Variants in L3MBTL4 observed in about 807,000 individuals in gnomAD.
The protein encoded by L3MBTL4 is lethal(3)malignant brain tumor-like protein 4.
A neutral mutation model predicts 84.5 loss-of-function variants in L3MBTL4; 70 were observed. That is an observed-to-expected ratio of 0.83 (90% confidence interval 0.68 to 1.01). The LOEUF is 1.01. Ranked by LOEUF, L3MBTL4 falls within the 50% of genes least tolerant of loss-of-function variation. L3MBTL4 has a pLI of 0.00. For synonymous variants in L3MBTL4, 274 were observed against 259.8 expected, an observed-to-expected ratio of 1.05 and a Z score of -0.52; for missense variants, 715 against 754.8, an observed-to-expected ratio of 0.95 and a Z score of 0.62.
At chr18:6,099,914 T>C (rs2058765001) in intron 14 of L3MBTL4, among the ~76,000 whole-genome samples, 1 of 152,128 alleles carries the variant, frequency 6.6e-6, no homozygotes, top group South Asian at 2.1e-4. Flanking sequence ...ATGCATTTGA[T>C]TCTAAAAATA....
chr18:6,380,103 G>A (rs138510155), intron 1 of L3MBTL4, among the ~76,000 whole-genome samples: 5,098 of 152,168 alleles, frequency 0.034, 304 homozygotes, highest in African/African-American at 0.11. Context: ...GTTTATTTGC[G>A]TAGAGGTGTT....
At chr18:6,397,242 G>A (rs921965540) in intron 1 of L3MBTL4, 9 of 152,166 alleles carry the variant, frequency 5.9e-5, no homozygotes, top group Admixed American at 3.9e-4. Context: ...GTACTTCTCT[G>A]CAGAGTTCAC....
chr18:6,144,551 T>C (rs186869969), intron 13 of L3MBTL4, among the ~76,000 whole-genome samples: 1 of 152,362 alleles, frequency 6.6e-6, no homozygotes, highest in East Asian at 1.9e-4. Flanking sequence ...TAAGATGTCC[T>C]CATGGGATTC....
chr18:6,302,006 G>C, intron 3 of L3MBTL4, 49 bp from the exon 4 acceptor site: 1 of 1,400,486 alleles, frequency 7.1e-7, no homozygotes, highest in Non-Finnish European at 1.0e-6. Flanking sequence ...ATAATTGTTG[G>C]AAACACTGAA....
chr18:6,187,894 C>T (rs2044856671), intron 12 of L3MBTL4, among the ~76,000 whole-genome samples: 1 of 150,198 alleles, frequency 6.7e-6, no homozygotes, highest in South Asian at 2.1e-4. Flanking sequence ...GTGGTGTCTG[C>T]TCTCTACAAT....
chr18:6,003,990 A>G (rs1013629060), intron 16 of L3MBTL4, among the ~76,000 whole-genome samples: 2 of 152,034 alleles, frequency 1.3e-5, no homozygotes, highest in African/African-American at 2.4e-5. Context: ...AACAAATTAA[A>G]CCCAAAGCTT....
chr18:6,198,478 C>T (rs1207309712), intron 12 of L3MBTL4, among the ~76,000 whole-genome samples: 1 of 152,112 alleles, frequency 6.6e-6, no homozygotes, highest in Non-Finnish European at 1.5e-5. Flanking sequence ...CACCATAGTC[C>T]GATGCTGGCT....
intron 4 of L3MBTL4, among the ~76,000 whole-genome samples, chr18:6,266,100 A>T (rs2048620404): frequency 6.6e-6 from 1 of 152,152 alleles, no homozygotes; most frequent in African/African-American, 2.4e-5. Context: ...ATTTAAAAAT[A>T]AAAAAACATA....
intron 14 of L3MBTL4, among the ~76,000 whole-genome samples, chr18:6,115,124 CTTGAGTGCAGCTACAGTG>C (rs2059317450): frequency 6.6e-6 from 1 of 152,160 alleles, no homozygotes; most frequent in African/African-American, 2.4e-5. Context: ...CATTCCAGAG[CTTGAGTGCAGCTACAGTG>C]TTGATGGGCC....
intron 16 of L3MBTL4, among the ~76,000 whole-genome samples, chr18:6,002,462 G>T (rs984320287): frequency 6.6e-6 from 1 of 152,036 alleles, no homozygotes; most frequent in Non-Finnish European, 1.5e-5. Flanking sequence ...TCATTTAAAA[G>T]ACTAATGCAT....
intron 10 of L3MBTL4, among the ~76,000 whole-genome samples, chr18:6,231,451 A>T (rs1307824887): frequency 2.6e-5 from 4 of 152,048 alleles, no homozygotes; most frequent in Non-Finnish European, 5.9e-5. Flanking sequence ...CTGTTTTTGT[A>T]CCAGTACCAT....
chr18:6,361,671 C>T (rs2053700416), intron 1 of L3MBTL4, among the ~76,000 whole-genome samples: 1 of 152,170 alleles, frequency 6.6e-6, no homozygotes, highest in South Asian at 2.1e-4. Context: ...AAGAGACAGT[C>T]CTGGACAGTG....
intron 13 of L3MBTL4, among the ~76,000 whole-genome samples, chr18:6,146,272 C>G (rs9958129): frequency 0.011 from 1,740 of 152,270 alleles, 28 homozygotes; most frequent in African/African-American, 0.036. Flanking sequence ...CTTCAGAGCC[C>G]ACACAGGCAG....
chr18:5,958,062 G>GAGAAGGAGAAGAAGA (rs2095238995), intron 18 of L3MBTL4, among the ~76,000 whole-genome samples: 1 of 93,200 alleles, frequency 1.1e-5, no homozygotes, highest in Non-Finnish European at 2.1e-5. Flanking sequence ...GAAGGAGAAG[G>GAGAAGGAGAAGAAGA]AGAAGAAGAA....
intron 5 of L3MBTL4, among the ~76,000 whole-genome samples, chr18:6,252,216 G>A (rs562296056): frequency 6.6e-6 from 1 of 152,256 alleles, no homozygotes; most frequent in East Asian, 1.9e-4. Flanking sequence ...GGGAGGCTGA[G>A]GCAGGAGAAT....
At chr18:6,241,506 A>T in intron 7 of L3MBTL4, 57 bp from the exon 8 acceptor site, 2 of 956,934 alleles carry the variant, frequency 2.1e-6, no homozygotes, top group Non-Finnish European at 3.3e-6. Context: ...ATGCATATTA[A>T]ATATATTAGG....
chr18:6,250,236 ATAC>A (rs2047864090), intron 5 of L3MBTL4, among the ~76,000 whole-genome samples: 1 of 152,234 alleles, frequency 6.6e-6, no homozygotes, highest in African/African-American at 2.4e-5. Flanking sequence ...TACAAATTAT[ATAC>A]TATTATTTAA....
At chr18:6,031,747 C>T (rs1027736135) in intron 16 of L3MBTL4, 279 of 985,014 alleles carry the variant, frequency 2.8e-4, no homozygotes, top group Admixed American at 3.1e-4. Context: ...ATGGAAAGTG[C>T]TGTCTCACAC....
chr18:6,218,531 T>A (rs2046418994), intron 10 of L3MBTL4, among the ~76,000 whole-genome samples: 1 of 152,162 alleles, frequency 6.6e-6, no homozygotes, highest in East Asian at 1.9e-4. Context: ...CCCAGCCTGG[T>A]AAAGAGACTT....
Sources: allele counts gnomAD v4.1 joint callset (sites outside exome capture counted in the v4.1 genomes callset), GRCh38; gene constraint gnomAD v4.1.1; transcripts MANE v1.5; gene names NCBI Gene and HGNC (gene_info 2026-07-23, HGNC 2026-07-21).